Variants in NRXN1 observed in about 807,000 individuals in gnomAD.
NRXN1 encodes neurexin-1.
NRXN1 carries 39 observed loss-of-function variants against 150.9 expected under a neutral mutation model. That is an observed-to-expected ratio of 0.26 (90% CI 0.20 to 0.34). NRXN1 has a LOEUF of 0.34. NRXN1 is among the 10% of genes least tolerant of loss of function. The pLI is 1.00. For missense variants in NRXN1, 1,815 were observed against 1,949.9 expected (o/e 0.93, Z 1.30); for synonymous variants, 924 against 757.0 (o/e 1.22, Z -3.62).
chr2:50,471,991 A>G (rs1256728467), intron 16 of NRXN1, among the ~76,000 whole-genome samples: 3 of 151,910 alleles, frequency 2.0e-5, no homozygotes. Flanking sequence ...GAACTGATTA[A>G]CAAACTAATC....
chr2:50,013,418 A>C (rs570072826), intron 21 of NRXN1, among the ~76,000 whole-genome samples: 1 of 152,032 alleles, frequency 6.6e-6, no homozygotes, highest in Admixed American at 6.6e-5. Context: ...ATCTTAATTG[A>C]CCTCTTGAAT....
Position 50,091,498 on chromosome 2 carries a change from T to C in NRXN1, c.3547-4A>G, listed in dbSNP as rs1699563963. 2 of 1,613,994 alleles carry C rather than the reference T, an allele frequency of 1.2e-6. No homozygotes were observed. The highest frequency in any genetic ancestry group is 2.2e-5 in the South Asian group (2 of 91,082). ...TAACTCCAATTTTTCCCTGGTGCTGTAAGAGAGGAGGGGAAAAAAGAGTTG... is the reference window on the plus strand; with the variant it reads ...TAACTCCAATTTTTCCCTGGTGCTGCAAGAGAGGAGGGGAAAAAAGAGTTG... On this transcript the variant is annotated splice_region_variant and splice_polypyrimidine_tract_variant and intron_variant, in intron 18 of 22. Transcript: ENST00000401669.
intron 10 of NRXN1, among the ~76,000 whole-genome samples, chr2:50,537,890 G>A (rs2093301271): frequency 6.6e-6 from 1 of 152,168 alleles, no homozygotes; most frequent in Admixed American, 6.6e-5. Flanking sequence ...ATTAGCACTA[G>A]AAGCCATAGG....
intron 21 of NRXN1, among the ~76,000 whole-genome samples, chr2:49,971,432 A>T (rs1677939648): frequency 6.6e-6 from 1 of 152,140 alleles, no homozygotes; most frequent in Non-Finnish European, 1.5e-5. Flanking sequence ...TTGGCAGTTG[A>T]GCCCAAATGT....
intron 21 of NRXN1, among the ~76,000 whole-genome samples, chr2:50,050,294 C>A (rs1240674991): frequency 3.3e-5 from 5 of 151,734 alleles, no homozygotes; most frequent in Non-Finnish European, 5.9e-5. Flanking sequence ...TTCCCTATTA[C>A]TATCCCTGCA....
chr2:50,039,946 G>T (rs192694060), intron 21 of NRXN1, among the ~76,000 whole-genome samples: 2 of 152,146 alleles, frequency 1.3e-5, no homozygotes, highest in East Asian at 3.9e-4. Context: ...GAGTAGTCCA[G>T]GTAATATGAT....
chr2:50,388,055 C>G (rs1483226242), intron 17 of NRXN1, among the ~76,000 whole-genome samples: 1 of 152,092 alleles, frequency 6.6e-6, no homozygotes, highest in Non-Finnish European at 1.5e-5. Flanking sequence ...TTACTTGAAA[C>G]TTTTTGATGC....
intron 22 of NRXN1, among the ~76,000 whole-genome samples, chr2:49,933,543 A>C (rs1239735136): frequency 6.6e-6 from 1 of 152,160 alleles, no homozygotes; most frequent in Non-Finnish European, 1.5e-5. Flanking sequence ...CGAATTATGC[A>C]TTAGGTTCTA....
At chr2:50,926,839 T>C (rs1381597039) in intron 2 of NRXN1, among the ~76,000 whole-genome samples, 2 of 151,964 alleles carry the variant, frequency 1.3e-5, no homozygotes, top group East Asian at 1.9e-4. Flanking sequence ...TATGTATATA[T>C]GTATAAACAT....
Position 50,683,646 on chromosome 2 carries a change from A to AAAAAAAAAAAAAAAATATATATAT in NRXN1, c.833-60032_833-60031insATATATATATTTTTTTTTTTTTTT. 2.8e-3 allele frequency among the ~76,000 whole-genome samples: 42 copies of AAAAAAAAAAAAAAAATATATATAT among 14,870 alleles called. 1 individual carries two copies. Among genetic ancestry groups the AAAAAAAAAAAAAAAATATATATAT allele is most frequent in the South Asian group, 0.012 (2 of 162 alleles). 9.8% of individuals were successfully genotyped at this position (14,870 alleles called of 152,430 possible). ...GACTCCGTCTCAAAAAAAAAAAAAA[A>AAAAAAAAAAAAAAAATATATATAT]ATATATATATATATATATATGTTAT... On this transcript the variant is annotated intron_variant, in intron 5 of 22. Coordinates refer to ENST00000401669, the MANE Select transcript of NRXN1 (RefSeq NM_001330078.2).
At chr2:50,278,983 A>C (rs1049665185) in intron 17 of NRXN1, among the ~76,000 whole-genome samples, 1 of 152,132 alleles carries the variant, frequency 6.6e-6, no homozygotes, top group Admixed American at 6.6e-5. Flanking sequence ...ATCACAATCC[A>C]CTCATTTCCT....
chr2:50,190,941 C>G (rs1382495129), intron 18 of NRXN1, among the ~76,000 whole-genome samples: 1 of 152,128 alleles, frequency 6.6e-6, no homozygotes, highest in Admixed American at 6.5e-5. Flanking sequence ...AAAGTGTTAA[C>G]ACAATTCTTT....
intron 5 of NRXN1, among the ~76,000 whole-genome samples, chr2:50,812,043 C>T (rs1668286863): frequency 6.6e-6 from 1 of 151,862 alleles, no homozygotes; most frequent in Non-Finnish European, 1.5e-5. Flanking sequence ...GATGTTAAGT[C>T]TTACCTCTGC....
At chr2:50,106,950 A>C (rs921572) in intron 18 of NRXN1, among the ~76,000 whole-genome samples, 37,455 of 151,850 alleles carry the variant, frequency 0.25, 4,837 homozygotes, top group Middle Eastern at 0.34. Context: ...CTCTGTTGAC[A>C]TTGGCACAGA....
chr2:50,018,111 A>T (rs570773444), intron 21 of NRXN1, among the ~76,000 whole-genome samples: 30 of 152,210 alleles, frequency 2.0e-4, no homozygotes, highest in African/African-American at 7.2e-4. Flanking sequence ...GAACTGAAAA[A>T]GTTAATGCAC....
chr2:50,078,064 T>C (rs1697358610), intron 19 of NRXN1, among the ~76,000 whole-genome samples: 1 of 152,094 alleles, frequency 6.6e-6, no homozygotes, highest in South Asian at 2.1e-4. Flanking sequence ...TTTTAATATA[T>C]GGCCTATTTA....
chr2:49,922,028 C>T lies in NRXN1; in HGVS notation c.4440G>A (p.Gly1480=). 1.2e-6 allele frequency: 2 copies of T among 1,614,012 alleles called. No individual in the cohort carries two copies. Among genetic ancestry groups the T allele is most frequent in the Non-Finnish European group, 1.7e-6 (2 of 1,180,008 alleles). ...NYISNSAQSN[G]AVVKEKQPSS... ...TGGGTTGTTTCTCCTTTACAACAGCCCCATTGGACTGTGCTGAGTTACTGA... is the reference window on the plus strand; with the variant it reads ...TGGGTTGTTTCTCCTTTACAACAGCTCCATTGGACTGTGCTGAGTTACTGA... Residue 1480 remains glycine, a synonymous_variant, in exon 23 of 23, where the codon GGG becomes GGA. Coordinates refer to ENST00000401669, the MANE Select transcript of NRXN1 (RefSeq NM_001330078.2).
chr2:50,807,519 T>C (rs1217360455), intron 5 of NRXN1, among the ~76,000 whole-genome samples: 3 of 152,166 alleles, frequency 2.0e-5, no homozygotes, highest in Non-Finnish European at 4.4e-5. Context: ...CTGCTATGAA[T>C]ACTGAAAGTG....
At chr2:50,456,904 C>T (rs552576808) in intron 17 of NRXN1, among the ~76,000 whole-genome samples, 1 of 152,228 alleles carries the variant, frequency 6.6e-6, no homozygotes, top group East Asian at 1.9e-4. Context: ...GTATAATTAA[C>T]ATAATAAATC....
Sources: allele counts gnomAD v4.1 joint callset (sites outside exome capture counted in the v4.1 genomes callset), GRCh38; gene constraint gnomAD v4.1.1; transcripts MANE v1.5; gene names NCBI Gene and HGNC (gene_info 2026-07-23, HGNC 2026-07-21).